Variants in TSHZ3 observed in about 807,000 individuals in gnomAD.
TSHZ3 encodes the protein teashirt homolog 3.
TSHZ3 carries 10 observed loss-of-function variants against 64.5 expected under a neutral mutation model. The ratio of observed to expected loss-of-function variants is 0.16; its 90% confidence interval spans 0.10 to 0.26. TSHZ3 has a LOEUF of 0.26. Ranked by LOEUF, TSHZ3 falls within the 10% of genes least tolerant of loss-of-function variation. The probability of loss-of-function intolerance (pLI) is 1.00; values close to 1 mark genes in which losing one functional copy is unlikely to be tolerated. For missense variants in TSHZ3, 1,242 were observed against 1,421.7 expected, an observed-to-expected ratio of 0.87 and a Z score of 2.03; for synonymous variants, 608 against 593.1, an observed-to-expected ratio of 1.03 and a Z score of -0.36.
chr19:31,331,119 G>A (rs535714984), intron 1 of TSHZ3, among the ~76,000 whole-genome samples: 3 of 152,216 alleles, frequency 2.0e-5, no homozygotes, highest in Admixed American at 6.5e-5. Flanking sequence ...GGGAAACGGC[G>A]CATGTAACCC....
At chr19:31,327,068 TTC>T (rs1034718816) in intron 1 of TSHZ3, among the ~76,000 whole-genome samples, 9 of 152,110 alleles carry the variant, frequency 5.9e-5, no homozygotes, top group African/African-American at 2.2e-4. Flanking sequence ...GGCAGCAGCT[TTC>T]TGTTTCATTA....
chr19:31,300,555 T>A (rs1269511026), intron 1 of TSHZ3, among the ~76,000 whole-genome samples: 1 of 152,170 alleles, frequency 6.6e-6, no homozygotes, highest in Admixed American at 6.5e-5. Flanking sequence ...TAGGGAGGGA[T>A]GGCCCCAGGA....
At chr19:31,264,982 T>G (rs1257321457) in intron 1 of TSHZ3, among the ~76,000 whole-genome samples, 2 of 152,072 alleles carry the variant, frequency 1.3e-5, no homozygotes, top group African/African-American at 4.8e-5. Context: ...AGCTATACCT[T>G]GTGGAGAGAG....
At chr19:31,198,684 A>AC (rs971329270) in intron 5 of TSHZ3, among the ~76,000 whole-genome samples, 4 of 152,126 alleles carry the variant, frequency 2.6e-5, no homozygotes, top group African/African-American at 4.8e-5. Flanking sequence ...TTATATTAAT[A>AC]CCCCCCAAAA....
intron 5 of TSHZ3, among the ~76,000 whole-genome samples, chr19:31,181,816 T>G (rs989315898): frequency 6.6e-6 from 1 of 152,200 alleles, no homozygotes; most frequent in Non-Finnish European, 1.5e-5. Flanking sequence ...TTCAGCCAAT[T>G]TCATCAAATG....
intron 4 of TSHZ3, among the ~76,000 whole-genome samples, chr19:31,205,244 C>A (rs1015595317): frequency 6.6e-6 from 1 of 152,172 alleles, no homozygotes; most frequent in Non-Finnish European, 1.5e-5. Context: ...GCAATTCTCA[C>A]CCTAAGCCTG....
In TSHZ3 at chr19:31,222,788, G is replaced by GACAGAGA. The variant is rs1568352404; in HGVS notation, n.686+5216_686+5217insTCTCTGT. On this transcript the variant is annotated intron_variant and non_coding_transcript_variant, in intron 4 of 6. Coordinates refer to the TSHZ3 transcript ENST00000651361. ...CCATTAGCTTTGCCCTGGGAATCTC[G>GACAGAGA]TCTCTTGTCCTTCTCCATTTCTATT... Among the ~76,000 whole-genome samples, 94 of 152,298 alleles carry GACAGAGA rather than the reference G, an allele frequency of 6.2e-4. 2 individuals carry two copies. The East Asian group carries it at 0.017, about 28-fold the overall frequency.
chr19:31,349,480 G>A (rs1387575311), upstream of TSHZ3: 12 of 376,866 alleles, frequency 3.2e-5, no homozygotes, highest in African/African-American at 1.5e-4. Context: ...GCACGGGGGG[G>A]AGGAGGAGGC....
At position 31,279,710 on chromosome 19, in the gene TSHZ3, T is replaced by C. The variant is rs1237112743; in HGVS notation, c.83A>G (p.Glu28Gly). The C allele has an allele frequency of 3.3e-6, 5 of 1,531,322 alleles. No homozygotes were observed. Among genetic ancestry groups the C allele is most frequent in the Non-Finnish European group, 4.4e-6 (5 of 1,138,910 alleles). The allele number at this position is 1,531,322 out of a possible 1,614,324, so 94.9% of individuals were successfully genotyped here. A position where few individuals can be genotyped will look rare whatever the true frequency, so the allele number is the denominator to read the frequency against. Residue 28 changes from glutamate (E) to glycine (G), a missense_variant, in exon 2 of 2, where the codon GAA (glutamate) becomes GGA (glycine). This residue lies in a region of TSHZ3 where 555 missense variants were observed against 704.0 expected (regional missense o/e 0.79). Transcript: ENST00000240587. The surrounding 1 kb of genome is among the most constrained non-coding windows in gnomAD (Gnocchi z 6.4). ...EELKAAALVD[E>G]GLDPEEHTAD... ...CGTATGCTCCTCTGGGTCTAAACCT[T>C]CGTCCACCAGGGCAGCAGCCTTTAA...
At chr19:31,213,993 A>C (rs1301473894) in intron 4 of TSHZ3, among the ~76,000 whole-genome samples, 1 of 152,166 alleles carries the variant, frequency 6.6e-6, no homozygotes, top group African/African-American at 2.4e-5. Context: ...TTCTTCCTGC[A>C]CTTGGAATCG....
intron 1 of TSHZ3, among the ~76,000 whole-genome samples, chr19:31,289,700 C>A (rs1331413679): frequency 6.6e-6 from 1 of 152,098 alleles, no homozygotes; most frequent in Non-Finnish European, 1.5e-5. Flanking sequence ...TGGGGCGGCA[C>A]CTCAGACACT....
At chr19:31,235,542 ATGTG>A (rs373260594) in intron 3 of TSHZ3, among the ~76,000 whole-genome samples, 14 of 149,124 alleles carry the variant, frequency 9.4e-5, no homozygotes, top group South Asian at 2.1e-4. Flanking sequence ...CAATGTGTGT[ATGTG>A]TGTGTGTGTG....
At chr19:31,258,178 C>T (rs1178948300) in intron 1 of TSHZ3, among the ~76,000 whole-genome samples, 1 of 152,216 alleles carries the variant, frequency 6.6e-6, no homozygotes, top group East Asian at 1.9e-4. Context: ...AATTGCCAAT[C>T]CCTCCCCAAA....
intron 5 of TSHZ3, among the ~76,000 whole-genome samples, chr19:31,203,378 T>A (rs941284028): frequency 3.9e-5 from 6 of 152,122 alleles, no homozygotes; most frequent in African/African-American, 1.4e-4. Flanking sequence ...TATGGACTTT[T>A]TCCCAGAAAG....
Position 31,277,724 on chromosome 19 carries a change from T to C in TSHZ3, c.2069A>G (p.Asn690Ser), listed in dbSNP as rs1599619929. ...DGSPLAEPVE[N>S]GKELVKPLAS... ...TAGGGGCTTCACCAGCTCCTTGCCA[T>C]TCTCCACCGGCTCAGCGAGGGGGCT... Residue 690 changes from asparagine to serine, a missense_variant, in exon 2 of 2, where the codon AAT (asparagine) becomes AGT (serine). Around this residue, in one of 4 missense-constraint regions of TSHZ3, gnomAD observed 550 missense variants for 545.1 expected, o/e 1.01. Coordinates refer to ENST00000240587, the MANE Select transcript of TSHZ3 (RefSeq NM_020856.4). This position sits in a 1 kb window ranked among gnomAD's most constrained non-coding sequence, Gnocchi z 4.5. 2 of 1,522,490 alleles carry C rather than the reference T, an allele frequency of 1.3e-6. No homozygotes were observed. The highest frequency in any genetic ancestry group is 4.5e-5 in the East Asian group (2 of 44,090). 94.3% of individuals were successfully genotyped at this position (1,522,490 alleles called of 1,614,324 possible). A position where few individuals can be genotyped will look rare whatever the true frequency, so the allele number is the denominator to read the frequency against.
intron 1 of TSHZ3, among the ~76,000 whole-genome samples, chr19:31,312,675 G>A (rs892031932): frequency 1.1e-4 from 16 of 152,148 alleles, no homozygotes; most frequent in Admixed American, 6.6e-4. Flanking sequence ...GAGTTCCACC[G>A]GTGGTACAAG....
At chr19:31,184,834 A>T (rs894307097) in intron 5 of TSHZ3, among the ~76,000 whole-genome samples, 1 of 152,242 alleles carries the variant, frequency 6.6e-6, no homozygotes, top group African/African-American at 2.4e-5. Context: ...CTGTCAAGAA[A>T]GCCCAACCAA....
At chr19:31,175,958 T>C (rs1974601218) in intron 5 of TSHZ3, among the ~76,000 whole-genome samples, 1 of 152,174 alleles carries the variant, frequency 6.6e-6, no homozygotes, top group Non-Finnish European at 1.5e-5. Flanking sequence ...CCTATGATTA[T>C]TACTTCTCTG....
intron 1 of TSHZ3, among the ~76,000 whole-genome samples, chr19:31,252,975 A>T (rs1374880139): frequency 1.3e-5 from 2 of 152,364 alleles, no homozygotes; most frequent in East Asian, 3.9e-4. Flanking sequence ...AAGACAATGT[A>T]TATTAGACAA....
Sources: allele counts gnomAD v4.1 joint callset (sites outside exome capture counted in the v4.1 genomes callset), GRCh38; gene constraint gnomAD v4.1.1; regional missense constraint gnomAD v4.1.1; non-coding constraint Gnocchi (gnomAD v3.1); transcripts MANE v1.5; gene names NCBI Gene and HGNC (gene_info 2026-07-23, HGNC 2026-07-21).